The following ZFAND3 variants were observed in gnomAD, a reference collection of about 807,000 sequenced individuals.
ZFAND3 encodes the protein AN1-type zinc finger protein 3.
Under a neutral mutation model 29.6 loss-of-function variants are expected in ZFAND3, and 10 were observed. The observed-to-expected ratio is 0.34, with a 90% CI of 0.21 to 0.57. The LOEUF (loss-of-function observed/expected upper bound fraction) is 0.57. Ranked by LOEUF, ZFAND3 falls within the 20% of genes least tolerant of loss-of-function variation. ZFAND3 has a pLI of 0.86. For synonymous variants in ZFAND3, 128 were observed against 112.6 expected, an observed-to-expected ratio of 1.14 and a Z score of -0.87; for missense variants, 230 against 304.5, an observed-to-expected ratio of 0.76 and a Z score of 1.82.
At chr6:37,969,904 C>A (rs1224374262) in intron 2 of ZFAND3, among the ~76,000 whole-genome samples, 1 of 151,436 alleles carries the variant, frequency 6.6e-6, no homozygotes, top group Non-Finnish European at 1.5e-5. Flanking sequence ...ACAATCAAAT[C>A]CCCTTGTGGT....
intron 2 of ZFAND3, among the ~76,000 whole-genome samples, chr6:37,996,655 A>C (rs1762854320): frequency 6.6e-6 from 1 of 152,178 alleles, no homozygotes; most frequent in South Asian, 2.1e-4. Context: ...TCTTCAGACT[A>C]ATATTGTAAG....
At chr6:38,033,483 CAG>C (rs775360859) in intron 2 of ZFAND3, among the ~76,000 whole-genome samples, 23 of 152,198 alleles carry the variant, frequency 1.5e-4, no homozygotes, top group African/African-American at 2.4e-4. Context: ...CATTTTAAGA[CAG>C]GGGTTCACAA....
chr6:38,025,726 G>A (rs1416489328), intron 2 of ZFAND3, among the ~76,000 whole-genome samples: 1 of 152,178 alleles, frequency 6.6e-6, no homozygotes, highest in African/African-American at 2.4e-5. Context: ...CAACATAGAT[G>A]AATTTTGAAA....
chr6:37,873,345 CT>C (rs1764732547), intron 1 of ZFAND3, among the ~76,000 whole-genome samples: 1 of 152,132 alleles, frequency 6.6e-6, no homozygotes, highest in African/African-American at 2.4e-5. Context: ...GTGCTACCCC[CT>C]AGGGTTTGGT....
chr6:37,963,717 T>G (rs75661859), intron 2 of ZFAND3, among the ~76,000 whole-genome samples: 2,237 of 152,314 alleles, frequency 0.015, 50 homozygotes, highest in African/African-American at 0.051. Context: ...TGTAGAAGCC[T>G]TCTTTCCTCC....
rs1256399509 is a variant in ZFAND3 at position 38,152,661 on chromosome 6, C to A, written c.*272C>A. 1 of 1,150,984 alleles carries A rather than the reference C, an allele frequency of 8.7e-7. No homozygotes were observed. The highest frequency in any genetic ancestry group is 1.1e-6 in the Non-Finnish European group (1 of 937,008). The allele number at this position is 1,150,984 out of a possible 1,614,324, so 71.3% of individuals were successfully genotyped here. ...TTGAGCATGGCTAGTGGATTTAAAA[C>A]AACACATACCTGTCACTGCTGGAGT... On this transcript the variant is annotated 3_prime_UTR_variant, in exon 6 of 6. Transcript: ENST00000287218.
At chr6:37,835,587 TTGTG>T (rs1763953090) in intron 1 of ZFAND3, among the ~76,000 whole-genome samples, 1 of 152,140 alleles carries the variant, frequency 6.6e-6, no homozygotes, top group African/African-American at 2.4e-5. Context: ...ATGAGTGTAT[TTGTG>T]TGGTAAAAAA....
chr6:38,006,943 C>G lies in ZFAND3; in HGVS notation c.113-54650C>G, dbSNP rs147018919. Among the ~76,000 whole-genome samples the G allele has an allele frequency of 4.2e-3, 646 of 152,200 alleles. 2 individuals carry two copies. Among genetic ancestry groups the G allele is most frequent in the African/African-American group, 0.015 (603 of 41,522 alleles). ...CCAAGTGCTCCTGCAGTCATACACA[C>G]ACATACTCTGTTTAGCATCCCGAGT... On this transcript the variant is annotated intron_variant, in intron 2 of 5. Transcript: ENST00000287218.
At chr6:37,980,939 T>G (rs1762568186) in intron 2 of ZFAND3, among the ~76,000 whole-genome samples, 1 of 152,230 alleles carries the variant, frequency 6.6e-6, no homozygotes, top group African/African-American at 2.4e-5. Flanking sequence ...AGTAGATTCC[T>G]GCTGGAAAAT....
At position 38,114,594 on chromosome 6, in the gene ZFAND3, G is replaced by A. The variant is rs538193831; in HGVS notation, c.362-1978G>A. ...GTCTGTAGTTGCTAAGAATGGTGCA[G>A]GGCCTCCATATGCCAGTACAGCACA... is the stretch of plus-strand genomic sequence containing the variant. On this transcript the variant is annotated intron_variant, in intron 4 of 5. Transcript: ENST00000287218. 2.0e-5 allele frequency among the ~76,000 whole-genome samples: 3 copies of A among 152,358 alleles called. No individual in the cohort carries two copies. In the East Asian group the frequency reaches 5.8e-4, roughly 29 times the overall value.
rs1045173904 is a variant in ZFAND3, at chr6:37,819,855, C to G, written c.-91C>G. ...TCCCCCTCCCCCCGCCCCGAGCCCC[C>G]CGACGCCGCCGCCACCGCCTCCTCA... On this transcript the variant is annotated 5_prime_UTR_variant, in exon 1 of 6. Coordinates refer to ENST00000287218, the MANE Select transcript of ZFAND3 (RefSeq NM_021943.3). The G allele has an allele frequency of 2.0e-6, 2 of 993,912 alleles. No individual in the cohort carries two copies. Among genetic ancestry groups the G allele is most frequent in the Admixed American group, 1.0e-4 (2 of 19,914 alleles). The allele number at this position is 993,912 out of a possible 1,614,324, so 61.6% of individuals were successfully genotyped here. A position where few individuals can be genotyped will look rare whatever the true frequency, so the allele number is the denominator to read the frequency against.
intron 1 of ZFAND3, among the ~76,000 whole-genome samples, chr6:37,849,060 T>C (rs751372354): frequency 3.3e-5 from 5 of 152,184 alleles, no homozygotes; most frequent in Non-Finnish European, 4.4e-5. Flanking sequence ...AAGCCAATAG[T>C]GTCTTCTATT....
chr6:38,106,443 C>G (rs925705165), intron 4 of ZFAND3, among the ~76,000 whole-genome samples: 2 of 152,180 alleles, frequency 1.3e-5, no homozygotes, highest in Non-Finnish European at 2.9e-5. Context: ...AGCCACCACT[C>G]CCGGCCTACA....
intron 2 of ZFAND3, among the ~76,000 whole-genome samples, chr6:38,014,929 A>G (rs1237624796): frequency 6.6e-6 from 1 of 152,232 alleles, no homozygotes; most frequent in Non-Finnish European, 1.5e-5. Context: ...ATGCAGGTGC[A>G]GTTCTGCAAA....
intron 2 of ZFAND3, among the ~76,000 whole-genome samples, chr6:37,948,661 A>G (rs150784956): frequency 1.3e-5 from 2 of 152,268 alleles, no homozygotes; most frequent in East Asian, 3.9e-4. Flanking sequence ...CCTTGTATCC[A>G]TGTGTACTTA....
intron 2 of ZFAND3, among the ~76,000 whole-genome samples, chr6:37,949,855 C>T (rs1473473277): frequency 6.6e-6 from 1 of 152,176 alleles, no homozygotes; most frequent in Non-Finnish European, 1.5e-5. Context: ...TATACATGTT[C>T]AGCTATCTGG....
intron 2 of ZFAND3, among the ~76,000 whole-genome samples, chr6:38,041,691 CTCCTT>C (rs1349531390): frequency 7.9e-5 from 2 of 25,378 alleles, no homozygotes; most frequent in Non-Finnish European, 1.4e-4. Context: ...TCTTCTCCTT[CTCCTT>C]CTCCTCCTCC....
At chr6:38,052,247 G>T (rs1451425171) in intron 2 of ZFAND3, among the ~76,000 whole-genome samples, 3 of 152,144 alleles carry the variant, frequency 2.0e-5, no homozygotes, top group African/African-American at 7.2e-5. Context: ...AAGCAAGCAG[G>T]AAGTGACTTG....
chr6:37,997,097 C>T (rs760162956), intron 2 of ZFAND3, among the ~76,000 whole-genome samples: 3 of 152,106 alleles, frequency 2.0e-5, no homozygotes, highest in Admixed American at 6.6e-5. Context: ...AGTAAATTTG[C>T]AGAATAAAAT....
Sources: allele counts gnomAD v4.1 joint callset (sites outside exome capture counted in the v4.1 genomes callset), GRCh38; gene constraint gnomAD v4.1.1; transcripts MANE v1.5; gene names NCBI Gene and HGNC (gene_info 2026-07-23, HGNC 2026-07-21).